NR6A1: variants seen among roughly 807,000 people sequenced by gnomAD.
NR6A1 encodes the protein nuclear receptor subfamily 6 group A member 1.
NR6A1 carries 7 observed loss-of-function variants against 59.1 expected under a neutral mutation model. The observed-to-expected ratio is 0.12, with a 90% CI of 0.07 to 0.22. NR6A1 has a LOEUF of 0.22. Ranked by LOEUF, NR6A1 falls within the 10% of genes least tolerant of loss-of-function variation. The pLI is 1.00. For synonymous variants in NR6A1, 243 were observed against 236.1 expected, an observed-to-expected ratio of 1.03 and a Z score of -0.27; for missense variants, 468 against 611.6, an observed-to-expected ratio of 0.77 and a Z score of 2.48.
chr9:124,674,782 G>T (rs1270997352), intron 2 of NR6A1, among the ~76,000 whole-genome samples: 2 of 152,100 alleles, frequency 1.3e-5, no homozygotes, highest in Non-Finnish European at 2.9e-5. Context: ...TACAACACAG[G>T]AACTATATAA....
At chr9:124,564,681 CTGTGTGTGTGTGTG>C (rs56301413) in intron 2 of NR6A1, among the ~76,000 whole-genome samples, 2 of 149,394 alleles carry the variant, frequency 1.3e-5, no homozygotes, top group African/African-American at 2.5e-5. Flanking sequence ...AATCCACACT[CTGTGTGTGTGTGTG>C]TGTGTGTGTG....
intron 2 of NR6A1, among the ~76,000 whole-genome samples, chr9:124,716,073 G>A (rs1472760012): frequency 1.3e-5 from 2 of 152,068 alleles, no homozygotes; most frequent in African/African-American, 4.8e-5. Context: ...CATGGTGGTT[G>A]TGCACCTGTG....
intron 2 of NR6A1, among the ~76,000 whole-genome samples, chr9:124,624,918 T>TG (rs959190538): frequency 6.1e-4 from 92 of 151,488 alleles, no homozygotes; most frequent in Admixed American, 9.9e-4. Flanking sequence ...GCTTGTTTTT[T>TG]TTTTTTTTTT....
At chr9:124,538,515 A>C (rs1187980682) in intron 5 of NR6A1, among the ~76,000 whole-genome samples, 196 bp from the exon 6 acceptor site, 3 of 152,242 alleles carry the variant, frequency 2.0e-5, no homozygotes, top group Non-Finnish European at 4.4e-5. Context: ...CTCTATGGGT[A>C]TATGAATGTT....
chr9:124,704,743 T>G (rs148480165), intron 2 of NR6A1, among the ~76,000 whole-genome samples: 73 of 152,036 alleles, frequency 4.8e-4, no homozygotes, highest in Non-Finnish European at 7.9e-4. Context: ...AAAAAAATTT[T>G]TGTGTGTGGG....
At chr9:124,613,535 C>T (rs1486112532) in intron 2 of NR6A1, among the ~76,000 whole-genome samples, 2 of 151,976 alleles carry the variant, frequency 1.3e-5, no homozygotes, top group East Asian at 3.9e-4. Flanking sequence ...GTGCCACACA[C>T]CTGTAGTCCA....
intron 2 of NR6A1, among the ~76,000 whole-genome samples, chr9:124,571,645 T>C (rs1424448258): frequency 3.3e-5 from 5 of 152,134 alleles, no homozygotes; most frequent in Admixed American, 6.5e-5. Flanking sequence ...GTGAGGTGAC[T>C]AGTGAGATGG....
intron 2 of NR6A1, among the ~76,000 whole-genome samples, chr9:124,564,938 G>A (rs185540237): frequency 1.7e-3 from 263 of 152,250 alleles, no homozygotes; most frequent in African/African-American, 5.5e-3. Context: ...TATGAAGATG[G>A]CATTGCAGAG....
chr9:124,590,346 T>TA (rs199814231), intron 2 of NR6A1, among the ~76,000 whole-genome samples: 2,980 of 146,882 alleles, frequency 0.02, 82 homozygotes, highest in East Asian at 0.062. Flanking sequence ...CAAAAGTAGT[T>TA]AAAAAAAAAA....
intron 1 of NR6A1, among the ~76,000 whole-genome samples, chr9:124,750,553 G>T (rs532430206): frequency 2.0e-5 from 3 of 152,318 alleles, no homozygotes; most frequent in African/African-American, 7.2e-5. Context: ...GAGGTCAGGA[G>T]AACGAGACCA....
chr9:124,661,620 T>C lies in NR6A1; in HGVS notation c.142+71688A>G, dbSNP rs372706067. On this transcript the variant is annotated intron_variant, in intron 2 of 9. Coordinates refer to ENST00000487099, the MANE Select transcript of NR6A1 (RefSeq NM_033334.4). ...ATAATACGGTGTGAAGCTGAACACG[T>C]GCCAGATTTAATGGTGCTGGTAAAC... Among the ~76,000 whole-genome samples, 3 of 152,312 alleles carry C rather than the reference T, an allele frequency of 2.0e-5. No individual in the cohort carries two copies. The South Asian group carries it at 6.2e-4, about 32-fold the overall frequency.
At chr9:124,632,338 T>C (rs1438709829) in intron 2 of NR6A1, among the ~76,000 whole-genome samples, 1 of 152,198 alleles carries the variant, frequency 6.6e-6, no homozygotes, top group Non-Finnish European at 1.5e-5. Context: ...TGTTATTTTT[T>C]GACTTTTTAA....
At chr9:124,754,891 A>AT (rs1840594603) in intron 1 of NR6A1, among the ~76,000 whole-genome samples, 1 of 152,210 alleles carries the variant, frequency 6.6e-6, no homozygotes, top group East Asian at 1.9e-4. Context: ...CCAATAATCA[A>AT]TGTGGTGATT....
chr9:124,695,833 T>C (rs925547298), intron 2 of NR6A1, among the ~76,000 whole-genome samples: 2 of 152,190 alleles, frequency 1.3e-5, no homozygotes, highest in African/African-American at 4.8e-5. Flanking sequence ...GACACGTACT[T>C]TGAAAAATGT....
intron 2 of NR6A1, among the ~76,000 whole-genome samples, chr9:124,665,379 G>C (rs1230130175): frequency 1.3e-5 from 2 of 152,088 alleles, no homozygotes; most frequent in Admixed American, 6.5e-5. Context: ...GATCTTAACA[G>C]ACTTTCAATG....
At chr9:124,708,831 C>A (rs1402533357) in intron 2 of NR6A1, among the ~76,000 whole-genome samples, 1 of 152,322 alleles carries the variant, frequency 6.6e-6, no homozygotes, top group East Asian at 1.9e-4. Flanking sequence ...AGTGTTACAG[C>A]TGGCCTTGGT....
chr9:124,743,004 C>A (rs1266869176), intron 1 of NR6A1, among the ~76,000 whole-genome samples: 2 of 152,252 alleles, frequency 1.3e-5, no homozygotes, highest in Admixed American at 1.3e-4. Context: ...CCTTCCTCCA[C>A]TCTATCTTCT....
chr9:124,542,121 C>T (rs1833464932), intron 4 of NR6A1, among the ~76,000 whole-genome samples: 1 of 152,198 alleles, frequency 6.6e-6, no homozygotes, highest in African/African-American at 2.4e-5. Context: ...TAGTTAACAA[C>T]ACTGTACTGT....
chr9:124,599,035 G>A (rs1465795358), intron 2 of NR6A1: 3 of 739,506 alleles, frequency 4.1e-6, no homozygotes, highest in East Asian at 5.0e-5. Flanking sequence ...TCATGAGGAG[G>A]CGGGTGGTCC....
Sources: gnomAD v4.1 joint callset for allele counts (sites outside exome capture counted in the v4.1 genomes callset) on GRCh38, gnomAD v4.1.1 for gene constraint, MANE v1.5 for transcripts, NCBI Gene and HGNC (gene_info 2026-07-23, HGNC 2026-07-21) for gene names.